CDK14: variants seen among roughly 807,000 people sequenced by gnomAD.
CDK14 encodes cyclin dependent kinase 14, also known as cyclin-dependent kinase 14.
In CDK14, 34 loss-of-function variants were observed where a neutral mutation model predicts 60.7. The observed-to-expected ratio is 0.56, with a 90% CI of 0.43 to 0.75. CDK14 has a LOEUF of 0.75. Among genes scored for constraint, CDK14 ranks in the 30% least tolerant of loss-of-function variants. The pLI is 0.00. For synonymous variants in CDK14, 197 were observed against 203.7 expected, an observed-to-expected ratio of 0.97 and a Z score of 0.28; for missense variants, 482 against 564.1, an observed-to-expected ratio of 0.85 and a Z score of 1.47.
intron 3 of CDK14, among the ~76,000 whole-genome samples, chr7:90,736,359 T>G (rs1803114709): frequency 1.4e-5 from 2 of 146,960 alleles, no homozygotes; most frequent in Admixed American, 6.7e-5. Context: ...TGTTTTTTTT[T>G]TTTTTTTTTT....
intron 2 of CDK14, among the ~76,000 whole-genome samples, chr7:90,634,219 T>A (rs1482616058): frequency 6.6e-6 from 1 of 151,856 alleles, no homozygotes; most frequent in African/African-American, 2.4e-5. Flanking sequence ...TGTGCCATGT[T>A]GGGGTGCTGC....
intron 14 of CDK14, among the ~76,000 whole-genome samples, chr7:91,124,773 T>C (rs1290503433): frequency 6.6e-6 from 1 of 152,166 alleles, no homozygotes; most frequent in Non-Finnish European, 1.5e-5. Flanking sequence ...TTCTTATAAA[T>C]AGTGGGCCCA....
chr7:90,791,344 A>G (rs752522357), intron 5 of CDK14, among the ~76,000 whole-genome samples: 4 of 152,110 alleles, frequency 2.6e-5, no homozygotes, highest in Non-Finnish European at 4.4e-5. Context: ...GTTCAGTTTA[A>G]TAAGTTTTAG....
intron 8 of CDK14, among the ~76,000 whole-genome samples, chr7:90,920,483 C>G (rs1584124776): frequency 6.6e-6 from 1 of 152,292 alleles, no homozygotes; most frequent in East Asian, 1.9e-4. Context: ...GGAATGTATA[C>G]TAACCTGTAT....
chr7:90,937,691 C>T (rs1008372814), intron 8 of CDK14, among the ~76,000 whole-genome samples: 2 of 152,152 alleles, frequency 1.3e-5, no homozygotes, highest in Admixed American at 6.5e-5. Context: ...GTTGCAACTA[C>T]ACAAAATCTG....
intron 2 of CDK14, among the ~76,000 whole-genome samples, chr7:90,685,649 A>ATTTTTTTTT (rs66912750): frequency 2.0e-5 from 2 of 101,690 alleles, no homozygotes; most frequent in African/African-American, 3.8e-5. Flanking sequence ...CAGCCAATTA[A>ATTTTTTTTT]TTTTTTTTTT....
At chr7:91,000,625 T>C (rs944047935) in intron 10 of CDK14, among the ~76,000 whole-genome samples, 14 of 152,348 alleles carry the variant, frequency 9.2e-5, no homozygotes, top group African/African-American at 3.1e-4. Flanking sequence ...CTTTGAGAAC[T>C]TTTTTTGCTT....
At chr7:91,012,931 A>G (rs1796202752) in intron 10 of CDK14, among the ~76,000 whole-genome samples, 1 of 152,230 alleles carries the variant, frequency 6.6e-6, no homozygotes, top group Non-Finnish European at 1.5e-5. Flanking sequence ...ATGTCAGACA[A>G]CACAGCATTT....
intron 3 of CDK14, among the ~76,000 whole-genome samples, chr7:90,744,668 G>A (rs1215963867): frequency 2.0e-5 from 3 of 148,500 alleles, no homozygotes; most frequent in Admixed American, 1.3e-4. Flanking sequence ...TCCCGGACGG[G>A]GCGGCTGGCC....
At chr7:90,778,891 C>CCTTG (rs767652977) in intron 4 of CDK14, among the ~76,000 whole-genome samples, 4 of 115,688 alleles carry the variant, frequency 3.5e-5, no homozygotes, top group African/African-American at 9.9e-5. Flanking sequence ...TTCCTTCCTT[C>CCTTG]CTTCCTTCTT....
intron 2 of CDK14, among the ~76,000 whole-genome samples, chr7:90,650,755 A>T (rs918346088): frequency 3.3e-5 from 5 of 152,210 alleles, no homozygotes; most frequent in Admixed American, 3.3e-4. Context: ...TTTGTCAAAG[A>T]TCAAATTGTT....
At chr7:90,991,906 G>A (rs1200108005) in intron 10 of CDK14, among the ~76,000 whole-genome samples, 3 of 152,184 alleles carry the variant, frequency 2.0e-5, no homozygotes, top group Admixed American at 1.3e-4. Flanking sequence ...AGATCCCACT[G>A]CTGAAAGAAA....
At chr7:90,972,861 C>T (rs4728949) in intron 9 of CDK14, among the ~76,000 whole-genome samples, 22,219 of 152,152 alleles carry the variant, frequency 0.15, 1,844 homozygotes, top group Middle Eastern at 0.27. Flanking sequence ...TTGAGAACAG[C>T]AGCATCAACA....
chr7:91,195,193 A>G (rs1456661173), intron 14 of CDK14, among the ~76,000 whole-genome samples: 1 of 152,246 alleles, frequency 6.6e-6, no homozygotes, highest in Non-Finnish European at 1.5e-5. Flanking sequence ...ACATGCAACC[A>G]CAGTGAATCA....
In CDK14 at chr7:90,682,581, C is replaced by T. The variant is rs965786107; in HGVS notation, c.124-43986C>T. Among the ~76,000 whole-genome samples the T allele has an allele frequency of 2.6e-5, 4 of 152,172 alleles. No individual in the cohort carries two copies. The East Asian group carries it at 7.7e-4, about 29-fold the overall frequency. On this transcript the variant is annotated intron_variant, in intron 2 of 14. Transcript: ENST00000380050. ...CTTCAGTATGTTTATACCTATTCAG[C>T]ATATCTGAAGTTATCAACCTCAGAT...
At chr7:90,841,092 T>C (rs1790274794) in intron 5 of CDK14, among the ~76,000 whole-genome samples, 1 of 152,202 alleles carries the variant, frequency 6.6e-6, no homozygotes, top group Middle Eastern at 3.2e-3. Flanking sequence ...TTTATACCTT[T>C]AGAAATTGTT....
Position 90,895,462 on chromosome 7 carries a change from TCCC to T in CDK14, c.640-3827_640-3825del, listed in dbSNP as rs1395089998. Among the ~76,000 whole-genome samples, 2 of 13,156 alleles carry T rather than the reference TCCC, an allele frequency of 1.5e-4. 1 individual carries two copies. 8.6% of individuals were successfully genotyped at this position (13,156 alleles called of 152,430 possible). ...TCTCCTCCCCTCCCCTCCCCTCCCC[TCCC>T]CTCTCCTCTCCTCACCTCTCCTCTC... On this transcript the variant is annotated intron_variant, in intron 6 of 14. Coordinates refer to ENST00000380050, the MANE Select transcript of CDK14 (RefSeq NM_001287135.2).
chr7:91,188,608 T>A (rs1241860281), intron 14 of CDK14, among the ~76,000 whole-genome samples: 1 of 152,224 alleles, frequency 6.6e-6, no homozygotes, highest in Non-Finnish European at 1.5e-5. Flanking sequence ...TACTGTGTTA[T>A]GTTTAGAGTA....
intron 7 of CDK14, among the ~76,000 whole-genome samples, chr7:90,903,995 G>T (rs1161606458): frequency 6.6e-6 from 1 of 152,024 alleles, no homozygotes; most frequent in Non-Finnish European, 1.5e-5. Flanking sequence ...CAGCCCTGGG[G>T]ACATGTGTAC....
Sources: allele counts gnomAD v4.1 joint callset (sites outside exome capture counted in the v4.1 genomes callset), GRCh38; gene constraint gnomAD v4.1.1; transcripts MANE v1.5; gene names NCBI Gene and HGNC (gene_info 2026-07-23, HGNC 2026-07-21).